Variants in ZNF836 observed in about 807,000 individuals in gnomAD.
The protein encoded by ZNF836 is zinc finger protein 836.
In ZNF836, 12 loss-of-function variants were observed where a neutral mutation model predicts 7.4. That is an observed-to-expected ratio of 1.61 (90% CI 1.03 to 2.61). The LOEUF is 2.61. Among genes scored for constraint, ZNF836 ranks in the 30% most tolerant of loss-of-function variants. ZNF836 has a pLI of 0.00. For missense variants in ZNF836, 998 were observed against 1,126.2 expected (o/e 0.89, Z 1.63); for synonymous variants, 365 against 382.6 (o/e 0.95, Z 0.54).
At chr19:52,160,416 A>G in intron 4 of ZNF836, 49 bp downstream of exon 4, 1 of 1,613,274 alleles carries the variant, frequency 6.2e-7, no homozygotes, top group Non-Finnish European at 8.5e-7. Flanking sequence ...GAGAAAATAC[A>G]AAAATACACG....
chr19:52,159,938 C>T (rs995099810), intron 4 of ZNF836, among the ~76,000 whole-genome samples: 5 of 152,072 alleles, frequency 3.3e-5, no homozygotes, highest in African/African-American at 1.2e-4. Context: ...AATCCTAGCA[C>T]TTCGGGAGGC....
chr19:52,162,893 A>C (rs2089225587), intron 3 of ZNF836, among the ~76,000 whole-genome samples: 1 of 152,174 alleles, frequency 6.6e-6, no homozygotes, highest in Non-Finnish European at 1.5e-5. Context: ...TATAGCCTCC[A>C]GTGGAATGCT....
chr19:52,170,843 C>A (rs1427643137), intron 1 of ZNF836, among the ~76,000 whole-genome samples: 1 of 152,172 alleles, frequency 6.6e-6, no homozygotes, highest in Non-Finnish European at 1.5e-5. Context: ...AATAGGATGC[C>A]CACCTCCCGG....
chr19:52,159,347 T>G (rs2089193522), intron 4 of ZNF836, among the ~76,000 whole-genome samples: 1 of 152,166 alleles, frequency 6.6e-6, no homozygotes, highest in Non-Finnish European at 1.5e-5. Context: ...ATTTTACAAA[T>G]AAGGACAGTA....
Position 52,155,924 on chromosome 19 carries a change from A to G in ZNF836, c.1759T>C (p.Cys587Arg), listed in dbSNP as rs752041370. The G allele has an allele frequency of 6.2e-7, 1 of 1,613,988 alleles. No individual in the cohort carries two copies. The highest frequency in any genetic ancestry group is 2.2e-5 in the East Asian group (1 of 44,872). ...TGEKPFQCNECGTVFRNYSCL... is the reference protein window; with the variant it reads ...TGEKPFQCNERGTVFRNYSCL... ...GAGTAGTTCCTGAAGACTGTGCCAC[A>G]TTCATTACATTGGAAAGGTTTCTCT... Residue 587 changes from cysteine to arginine, a missense_variant, in exon 5 of 5, where the codon TGT (cysteine) becomes CGT (arginine). Coordinates refer to ENST00000682614, the MANE Select transcript of ZNF836 (RefSeq NM_001102657.3).
At chr19:52,162,914 C>G (rs1230414412) in intron 3 of ZNF836, among the ~76,000 whole-genome samples, 1 of 152,148 alleles carries the variant, frequency 6.6e-6, no homozygotes, top group Non-Finnish European at 1.5e-5. Context: ...AAGTTGATCA[C>G]GATCCCTTTG....
chr19:52,165,587 A>C (rs1191236175), intron 3 of ZNF836, among the ~76,000 whole-genome samples: 1 of 152,220 alleles, frequency 6.6e-6, no homozygotes, highest in African/African-American at 2.4e-5. Flanking sequence ...CTCCCCACAG[A>C]AACATGAGGG....
rs2089134429 is a variant in ZNF836 at position 52,154,681 on chromosome 19, A to T, written c.*191T>A. 1 of 474,820 alleles carries T rather than the reference A, an allele frequency of 2.1e-6. No individual in the cohort carries two copies. The highest frequency in any genetic ancestry group is 3.3e-5 in the East Asian group (1 of 30,058). The allele number at this position is 474,820 out of a possible 1,614,324, so 29.4% of individuals were successfully genotyped here. On this transcript the variant is annotated 3_prime_UTR_variant, in exon 5 of 5. Transcript: ENST00000682614. ...CTCAAAAAAGCAAAACAAACAAAAA[A>T]ACAAGATCTCACCAGAACTCACTAT... is the stretch of plus-strand genomic sequence containing the variant.
intron 1 of ZNF836, 123 bp downstream of exon 1, chr19:52,171,213 G>C (rs1356585130): frequency 6.6e-6 from 1 of 152,346 alleles, no homozygotes; most frequent in African/African-American, 2.4e-5. Context: ...GGTCAGTAAG[G>C]GTTTTAAGCA....
intron 3 of ZNF836, among the ~76,000 whole-genome samples, chr19:52,162,085 G>C (rs919299671): frequency 1.3e-5 from 2 of 152,190 alleles, no homozygotes; most frequent in Non-Finnish European, 2.9e-5. Flanking sequence ...TCCTGGAGTA[G>C]AGGTTGGGTC....
chr19:52,160,419 A>G, intron 4 of ZNF836, 46 bp downstream of exon 4: 1 of 1,613,454 alleles, frequency 6.2e-7, no homozygotes, highest in Non-Finnish European at 8.5e-7. Context: ...AAAATACAAA[A>G]ATACACGAGG....
rs1470940640 is a variant in ZNF836, at chr19:52,157,348, A to C, written c.335T>G (p.Val112Gly). 1 of 1,607,170 alleles carries C rather than the reference A, an allele frequency of 6.2e-7. No homozygotes were observed. The highest frequency in any genetic ancestry group is 2.2e-5 in the East Asian group (1 of 44,830). The change falls in exon 5 of 5, where the codon GTG becomes GGG. Residue 112 changes from valine to glycine, a missense_variant. Coordinates refer to ENST00000682614, the MANE Select transcript of ZNF836 (RefSeq NM_001102657.3). ...WKDGEINYKE[V>G]PMTYKNNLNG... ...AAGATTGTTTTTATAGGTCATTGGC[A>C]CTTCTTTATAATTTATTTCACCATC...
chr19:52,167,937 G>T, intron 3 of ZNF836, 121 bp downstream of exon 3: 1 of 740,882 alleles, frequency 1.3e-6, no homozygotes, highest in Non-Finnish European at 2.4e-6. Flanking sequence ...GGGAAGGCAT[G>T]GGTGAATGGC....
rs1225858288 is a variant in ZNF836 at position 52,167,503 on chromosome 19, GATAAA to G, written c.15+550_15+554del. Among the ~76,000 whole-genome samples, 8 of 134,406 alleles carry G rather than the reference GATAAA, an allele frequency of 6.0e-5. No individual in the cohort carries two copies. In the East Asian group the frequency reaches 1.4e-3, roughly 24 times the overall value. 88.2% of individuals were successfully genotyped at this position (134,406 alleles called of 152,430 possible). A position where few individuals can be genotyped will look rare whatever the true frequency, so the allele number is the denominator to read the frequency against. Reference sequence around the variant, plus strand: ...AAAAAAAAAAAAAAAAAAAATCAATGATAAAATAAACACCCTCTATCACTGACGTG... The same window carrying G: ...AAAAAAAAAAAAAAAAAAAATCAATGATAAACACCCTCTATCACTGACGTG... On this transcript the variant is annotated intron_variant, in intron 3 of 4. Coordinates refer to ENST00000682614, the MANE Select transcript of ZNF836 (RefSeq NM_001102657.3).
In ZNF836 at chr19:52,156,386, G is replaced by C; in HGVS notation, c.1297C>G (p.Gln433Glu). 6.2e-7 allele frequency: 1 copy of C among 1,614,152 alleles called. No individual in the cohort carries two copies. Among genetic ancestry groups the C allele is most frequent in the Non-Finnish European group, 8.5e-7 (1 of 1,180,032 alleles). The change falls in exon 5 of 5, where the codon CAG becomes GAG. Residue 433 changes from glutamine (Q) to glutamate (E), a missense_variant. Transcript: ENST00000682614. ...FKRSSSLTTHQIIHTGEKPYT... is the reference protein window; with the variant it reads ...FKRSSSLTTHEIIHTGEKPYT... ...GGTTTCTCTCCTGTATGGATTATCTGATGTGTAGTGAGGCTGGAGCTCCGT... is the reference window on the plus strand; with the variant it reads ...GGTTTCTCTCCTGTATGGATTATCTCATGTGTAGTGAGGCTGGAGCTCCGT...
rs1821278 is a variant in ZNF836, at chr19:52,156,738, A to G, written c.945T>C (p.Tyr315=). ...NECGKSFSQS[Y]NLAIHQRIHT... Reference sequence around the variant, plus strand: ...GAATTCTCTGATGTATTGCAAGGTTATAACTTTGACTAAAGGACTTGCCAC... The same window carrying G: ...GAATTCTCTGATGTATTGCAAGGTTGTAACTTTGACTAAAGGACTTGCCAC... The change falls in exon 5 of 5, where the codon TAT becomes TAC. Residue 315 remains tyrosine (Y), a synonymous_variant. Transcript: ENST00000682614. The G allele has an allele frequency of 0.3, 483,595 of 1,613,500 alleles. 82,409 individuals are homozygous for G. Among genetic ancestry groups the G allele is most frequent in the African/African-American group, 0.6 (45,108 of 74,928 alleles).
At chr19:52,167,952 A>G in intron 3 of ZNF836, 106 bp downstream of exon 3, 1 of 827,012 alleles carries the variant, frequency 1.2e-6, no homozygotes, top group South Asian at 1.5e-5. Context: ...AATGGCAGCA[A>G]ACGTGTCAGG....
chr19:52,159,251 G>A (rs1002921072), intron 4 of ZNF836, among the ~76,000 whole-genome samples: 2 of 152,166 alleles, frequency 1.3e-5, no homozygotes, highest in African/African-American at 4.8e-5. Flanking sequence ...AAAGAAATTT[G>A]TGAGTCTTTA....
chr19:52,154,693 C>T lies in ZNF836; in HGVS notation c.*179G>A. The T allele has an allele frequency of 1.9e-6, 1 of 522,374 alleles. No homozygotes were observed. The highest frequency in any genetic ancestry group is 3.2e-6 in the Non-Finnish European group (1 of 311,738). The allele number at this position is 522,374 out of a possible 1,614,324, so 32.4% of individuals were successfully genotyped here. On this transcript the variant is annotated 3_prime_UTR_variant, in exon 5 of 5. Transcript: ENST00000682614. The stretch of plus-strand genomic sequence containing the variant: ...AAACAAACAAAAAAACAAGATCTCA[C>T]CAGAACTCACTATCCCAAGAAGAGC...
Sources: gnomAD v4.1 joint callset for allele counts (sites outside exome capture counted in the v4.1 genomes callset) on GRCh38, gnomAD v4.1.1 for gene constraint, MANE v1.5 for transcripts, NCBI Gene and HGNC (gene_info 2026-07-23, HGNC 2026-07-21) for gene names.